The following MIPOL1 variants were observed in gnomAD, a reference collection of about 807,000 sequenced individuals.
The protein encoded by MIPOL1 is mirror-image polydactyly 1.
MIPOL1 carries 57 observed loss-of-function variants against 60.9 expected under a neutral mutation model. The observed-to-expected ratio is 0.94, with a 90% CI of 0.76 to 1.17. MIPOL1 has a LOEUF of 1.17. Ranked by LOEUF, MIPOL1 falls within the 50% of genes most tolerant of loss-of-function variation. The pLI is 0.00. For synonymous variants in MIPOL1, 179 were observed against 168.8 expected (o/e 1.06, Z -0.47); for missense variants, 551 against 511.6 (o/e 1.08, Z -0.74).
intron 7 of MIPOL1, among the ~76,000 whole-genome samples, chr14:37,303,860 A>G (rs1206502543): frequency 3.3e-5 from 5 of 151,738 alleles, no homozygotes; most frequent in African/African-American, 1.2e-4. Flanking sequence ...GTTCCTAGAA[A>G]CAGCTTACAA....
intron 3 of MIPOL1, among the ~76,000 whole-genome samples, chr14:37,261,433 CTA>C (rs1307394398): frequency 6.6e-6 from 1 of 151,906 alleles, no homozygotes; most frequent in Non-Finnish European, 1.5e-5. Context: ...AGCTGTGCAA[CTA>C]TATGCTGACT....
At chr14:37,489,753 C>G (rs1429624259) in intron 11 of MIPOL1, among the ~76,000 whole-genome samples, 1 of 152,186 alleles carries the variant, frequency 6.6e-6, no homozygotes, top group Non-Finnish European at 1.5e-5. Flanking sequence ...ACTCTAGACC[C>G]TGTTTGCCTG....
intron 9 of MIPOL1, among the ~76,000 whole-genome samples, chr14:37,322,911 C>T (rs1216760634): frequency 6.6e-6 from 1 of 152,048 alleles, no homozygotes; most frequent in Non-Finnish European, 1.5e-5. Flanking sequence ...AAATTTTTCT[C>T]TCATTCTGTA....
At chr14:37,496,820 C>T (rs182953045) in intron 11 of MIPOL1, among the ~76,000 whole-genome samples, 2 of 152,090 alleles carry the variant, frequency 1.3e-5, no homozygotes, top group South Asian at 2.1e-4. Flanking sequence ...TCGTATGGAA[C>T]CAAAAAAGAG....
intron 10 of MIPOL1, among the ~76,000 whole-genome samples, chr14:37,374,723 C>G (rs1031499195): frequency 5.9e-5 from 9 of 152,064 alleles, no homozygotes; most frequent in African/African-American, 2.2e-4. Context: ...TCTGAGGCCT[C>G]TGTTCTGTTT....
In MIPOL1 at chr14:37,468,165, C is replaced by T. The variant is rs541388847; in HGVS notation, c.1032-31743C>T. Reference sequence around the variant, plus strand: ...GTATATAAACATATGTTTACATATACGTGTGTGTGTGTGTGTGTGCAATTG... The same window carrying T: ...GTATATAAACATATGTTTACATATATGTGTGTGTGTGTGTGTGTGCAATTG... On this transcript the variant is annotated intron_variant, in intron 11 of 12. Coordinates refer to ENST00000684589, the MANE Select transcript of MIPOL1 (RefSeq NM_001388067.1). Among the ~76,000 whole-genome samples, 16 of 148,624 alleles carry T rather than the reference C, an allele frequency of 1.1e-4. No homozygotes were observed. The East Asian group carries it at 2.4e-3, about 22-fold the overall frequency.
intron 10 of MIPOL1, among the ~76,000 whole-genome samples, chr14:37,376,614 A>G (rs1428461953): frequency 6.6e-6 from 1 of 151,838 alleles, no homozygotes; most frequent in Non-Finnish European, 1.5e-5. Context: ...CTGGTGCTAA[A>G]CTCTTAGCAC....
intron 11 of MIPOL1, among the ~76,000 whole-genome samples, chr14:37,480,435 T>C (rs2094845072): frequency 6.6e-6 from 1 of 151,076 alleles, no homozygotes; most frequent in African/African-American, 2.4e-5. Context: ...ATTAACAGAA[T>C]GAAAAACAAA....
At chr14:37,436,447 A>G (rs2094164642) in intron 11 of MIPOL1, among the ~76,000 whole-genome samples, 1 of 152,162 alleles carries the variant, frequency 6.6e-6, no homozygotes. Context: ...AAAGATTTTT[A>G]TTGAATCTAA....
intron 3 of MIPOL1, among the ~76,000 whole-genome samples, chr14:37,257,286 T>C (rs550554991): frequency 8.5e-5 from 13 of 152,186 alleles, no homozygotes; most frequent in African/African-American, 3.1e-4. Flanking sequence ...CCATCCCTTA[T>C]GAGGTGCTGC....
At chr14:37,267,290 C>G in intron 4 of MIPOL1, 121 bp downstream of exon 4, 2 of 658,986 alleles carry the variant, frequency 3.0e-6, no homozygotes, top group Non-Finnish European at 5.2e-6. Flanking sequence ...GAGTTCGAGA[C>G]CAGCCTGGCC....
intron 1 of MIPOL1, among the ~76,000 whole-genome samples, chr14:37,228,480 A>G (rs1970118820): frequency 6.6e-6 from 1 of 151,926 alleles, no homozygotes; most frequent in Non-Finnish European, 1.5e-5. Context: ...ACCTTACCTA[A>G]AAAACCGTTT....
intron 10 of MIPOL1, among the ~76,000 whole-genome samples, chr14:37,387,151 G>A (rs2093094967): frequency 6.6e-6 from 1 of 151,842 alleles, no homozygotes; most frequent in African/African-American, 2.4e-5. Context: ...ATGACAATGT[G>A]TATTACCTAG....
intron 11 of MIPOL1, 152 bp from the exon 12 acceptor site, chr14:37,499,756 A>AATT: frequency 2.2e-6 from 1 of 463,768 alleles, no homozygotes; most frequent in Non-Finnish European, 3.9e-6. Context: ...TATCAATTAT[A>AATT]ATGTTGTGAC....
At chr14:37,219,932 G>C (rs1038570496) in intron 1 of MIPOL1, among the ~76,000 whole-genome samples, 1 of 151,978 alleles carries the variant, frequency 6.6e-6, no homozygotes, top group Non-Finnish European at 1.5e-5. Flanking sequence ...GTTTTATATT[G>C]TCTGATATGA....
intron 11 of MIPOL1, among the ~76,000 whole-genome samples, chr14:37,495,287 C>CG (rs2095107181): frequency 1.8e-5 from 2 of 112,656 alleles, no homozygotes; most frequent in South Asian, 7.8e-4. Context: ...CCCCTCCCCC[C>CG]ACCCCACCAC....
intron 12 of MIPOL1, among the ~76,000 whole-genome samples, chr14:37,515,567 C>T (rs1295203919): frequency 2.0e-5 from 3 of 152,090 alleles, no homozygotes; most frequent in Non-Finnish European, 4.4e-5. Context: ...TTTCTGTTAC[C>T]ATGTGCCATA....
chr14:37,308,667 ATAAT>A (rs2087000596), intron 9 of MIPOL1, 148 bp downstream of exon 9: 2 of 442,546 alleles, frequency 4.5e-6, no homozygotes, highest in Non-Finnish European at 3.9e-6. Context: ...CTATATTAAA[ATAAT>A]TATGTATTTT....
intron 10 of MIPOL1, among the ~76,000 whole-genome samples, chr14:37,383,395 G>A (rs952851945): frequency 6.6e-6 from 1 of 151,518 alleles, no homozygotes; most frequent in Non-Finnish European, 1.5e-5. Context: ...TTGAATTTTA[G>A]TACATAAATT....
Sources: gnomAD v4.1 joint callset for allele counts (sites outside exome capture counted in the v4.1 genomes callset) on GRCh38, gnomAD v4.1.1 for gene constraint, MANE v1.5 for transcripts, NCBI Gene and HGNC (gene_info 2026-07-23, HGNC 2026-07-21) for gene names.